Variants in PRKG1 observed in about 807,000 individuals in gnomAD.
The protein encoded by PRKG1 is protein kinase cGMP-dependent 1, also known as cGMP-dependent protein kinase 1.
Under a neutral mutation model 88.1 loss-of-function variants are expected in PRKG1, and 35 were observed. The ratio of observed to expected loss-of-function variants is 0.40; its 90% CI spans 0.30 to 0.53. The LOEUF (loss-of-function observed/expected upper bound fraction) is 0.53. Among genes scored for constraint, PRKG1 ranks in the 20% least tolerant of loss-of-function variants. PRKG1 has a pLI of 0.59. For missense variants in PRKG1, 540 were observed against 839.8 expected (o/e 0.64, Z 4.41); for synonymous variants, 303 against 292.5 (o/e 1.04, Z -0.37).
intron 7 of PRKG1, among the ~76,000 whole-genome samples, chr10:52,099,043 TAAAC>T (rs1847237523): frequency 6.6e-6 from 1 of 152,214 alleles, no homozygotes; most frequent in Admixed American, 6.5e-5. Context: ...CTATATTTCT[TAAAC>T]AATTTTAGTA....
chr10:51,661,556 A>G (rs1020977442), intron 3 of PRKG1, among the ~76,000 whole-genome samples: 3 of 152,118 alleles, frequency 2.0e-5, no homozygotes, highest in African/African-American at 4.8e-5. Flanking sequence ...TTAGAATGGC[A>G]ATCATTAAAA....
intron 5 of PRKG1, among the ~76,000 whole-genome samples, chr10:51,964,030 A>C (rs1843510198): frequency 6.6e-6 from 1 of 152,186 alleles, no homozygotes; most frequent in Admixed American, 6.6e-5. Context: ...AGTTCCATGG[A>C]AAAAATCTGT....
chr10:51,578,076 A>T (rs781590808), intron 3 of PRKG1, among the ~76,000 whole-genome samples: 1 of 152,088 alleles, frequency 6.6e-6, no homozygotes, highest in Non-Finnish European at 1.5e-5. Context: ...GTAGTCTATT[A>T]AATCCCTCTT....
intron 5 of PRKG1, among the ~76,000 whole-genome samples, chr10:51,963,537 G>C (rs890139350): frequency 6.6e-6 from 1 of 152,048 alleles, no homozygotes; most frequent in Non-Finnish European, 1.5e-5. Flanking sequence ...CTGGGTCACT[G>C]CAACTTTTAC....
chr10:51,432,113 C>T lies in PRKG1; in HGVS notation c.479-35610C>T, dbSNP rs577397345. 8.5e-5 allele frequency among the ~76,000 whole-genome samples: 13 copies of T among 152,078 alleles called. No individual in the cohort carries two copies. The South Asian group carries it at 2.3e-3, about 27-fold the overall frequency. ...TATGATAGTCAGCAATGGAGTATGC[C>T]GCAATCAAGGTTTGATTTTTATAGG... is the stretch of plus-strand genomic sequence containing the variant. On this transcript the variant is annotated intron_variant, in intron 2 of 17. Coordinates refer to ENST00000373980, the MANE Select transcript of PRKG1 (RefSeq NM_006258.4).
intron 2 of PRKG1, among the ~76,000 whole-genome samples, chr10:51,255,076 A>G (rs766280030): frequency 6.6e-6 from 1 of 152,164 alleles, no homozygotes; most frequent in Non-Finnish European, 1.5e-5. Flanking sequence ...CTTCCAGCAT[A>G]TATGAATGCT....
intron 5 of PRKG1, among the ~76,000 whole-genome samples, chr10:51,969,953 T>A (rs1343840752): frequency 1.3e-5 from 2 of 150,952 alleles, no homozygotes; most frequent in Admixed American, 6.6e-5. Context: ...ACCAAGATAA[T>A]CAATTGCTAA....
At chr10:51,229,247 CAG>C (rs1838772989) in intron 2 of PRKG1, among the ~76,000 whole-genome samples, 1 of 152,130 alleles carries the variant, frequency 6.6e-6, no homozygotes, top group Admixed American at 6.6e-5. Context: ...CCATACCTGG[CAG>C]AGAGGAGGTA....
chr10:51,608,740 TTG>T (rs1838828714), intron 3 of PRKG1, among the ~76,000 whole-genome samples: 1 of 152,164 alleles, frequency 6.6e-6, no homozygotes, highest in Non-Finnish European at 1.5e-5. Context: ...TCTGTTAACC[TTG>T]TGAGGATGGC....
rs78523126 is a variant in PRKG1, at chr10:51,831,704, G to A, written c.698+27014G>A. 8.9e-3 allele frequency among the ~76,000 whole-genome samples: 1,359 copies of A among 152,140 alleles called. 25 individuals are homozygous for A. Among genetic ancestry groups the A allele is most frequent in the African/African-American group, 0.031 (1,302 of 41,504 alleles). On this transcript the variant is annotated intron_variant, in intron 4 of 17. Transcript: ENST00000373980. Reference sequence around the variant, plus strand: ...GCTTATCTCTTATCTCTGCATTCTGGCCAGTAGGATGGAGGAAGGGAATTG... The same window carrying A: ...GCTTATCTCTTATCTCTGCATTCTGACCAGTAGGATGGAGGAAGGGAATTG...
At chr10:51,194,724 C>T (rs535343677) in intron 2 of PRKG1, among the ~76,000 whole-genome samples, 1 of 152,118 alleles carries the variant, frequency 6.6e-6, no homozygotes, top group South Asian at 2.1e-4. Flanking sequence ...TTATAATAAA[C>T]ATAAATTTAT....
chr10:51,178,979 T>C (rs753283985), intron 2 of PRKG1, among the ~76,000 whole-genome samples: 1 of 152,222 alleles, frequency 6.6e-6, no homozygotes, highest in Non-Finnish European at 1.5e-5. Context: ...ACTGATGCTC[T>C]CCATTTTTAT....
At chr10:51,049,221 A>C (rs892298766) in intron 1 of PRKG1, among the ~76,000 whole-genome samples, 1 of 152,148 alleles carries the variant, frequency 6.6e-6, no homozygotes, top group African/African-American at 2.4e-5. Context: ...GGGAAATGCT[A>C]TTTTACCATG....
intron 2 of PRKG1, among the ~76,000 whole-genome samples, chr10:51,426,686 G>T (rs1838596820): frequency 1.3e-5 from 2 of 152,042 alleles, no homozygotes; most frequent in South Asian, 4.1e-4. Flanking sequence ...AAAAATATAT[G>T]TGTGTGTCTA....
chr10:51,134,514 C>G (rs1390530121), intron 1 of PRKG1, among the ~76,000 whole-genome samples: 1 of 152,122 alleles, frequency 6.6e-6, no homozygotes, highest in Non-Finnish European at 1.5e-5. Context: ...ATTCCAAGTA[C>G]TTTATGTTAC....
At chr10:51,427,334 A>C (rs565918461) in intron 2 of PRKG1, among the ~76,000 whole-genome samples, 2 of 152,228 alleles carry the variant, frequency 1.3e-5, no homozygotes, top group South Asian at 4.2e-4. Context: ...AGAAATTTTG[A>C]AATTGTGGAG....
At chr10:51,841,738 A>G (rs1840281164) in intron 4 of PRKG1, among the ~76,000 whole-genome samples, 1 of 151,900 alleles carries the variant, frequency 6.6e-6, no homozygotes, top group East Asian at 1.9e-4. Context: ...ACTGGAGTGC[A>G]GTGGCGCGAT....
At chr10:51,998,411 GT>G (rs1844508649) in intron 5 of PRKG1, among the ~76,000 whole-genome samples, 1 of 151,888 alleles carries the variant, frequency 6.6e-6, no homozygotes, top group African/African-American at 2.4e-5. Flanking sequence ...CACTCTAAAT[GT>G]TCACTTATAT....
intron 2 of PRKG1, among the ~76,000 whole-genome samples, chr10:51,312,697 G>A (rs531488131): frequency 1.3e-4 from 20 of 152,086 alleles, no homozygotes; most frequent in African/African-American, 4.8e-4. Flanking sequence ...GTGTGTGTGT[G>A]TGTGTATTTC....
Sources: allele counts gnomAD v4.1 joint callset (sites outside exome capture counted in the v4.1 genomes callset), GRCh38; gene constraint gnomAD v4.1.1; transcripts MANE v1.5; gene names NCBI Gene and HGNC (gene_info 2026-07-23, HGNC 2026-07-21).